ITGA9: variants seen among roughly 807,000 people sequenced by gnomAD.
ITGA9 encodes the protein integrin subunit alpha 9.
ITGA9 carries 56 observed loss-of-function variants against 127.8 expected under a neutral mutation model. That is an observed-to-expected ratio of 0.44 (90% CI 0.35 to 0.55). The LOEUF (loss-of-function observed/expected upper bound fraction) is 0.55. ITGA9 is among the 20% of genes least tolerant of loss of function. The probability of loss-of-function intolerance (pLI) is 0.00; values close to 1 mark genes in which losing one functional copy is unlikely to be tolerated. For missense variants in ITGA9, 1,196 were observed against 1,347.1 expected, an observed-to-expected ratio of 0.89 and a Z score of 1.76; for synonymous variants, 508 against 514.5, an observed-to-expected ratio of 0.99 and a Z score of 0.17.
At chr3:37,574,445 A>AT (rs562699673) in intron 15 of ITGA9, among the ~76,000 whole-genome samples, 83 of 152,202 alleles carry the variant, frequency 5.5e-4, no homozygotes, top group Non-Finnish European at 1.1e-3. Context: ...ACCTTTGCTG[A>AT]TTTTTTTCCT....
intron 15 of ITGA9, among the ~76,000 whole-genome samples, chr3:37,586,030 T>C (rs969844138): frequency 8.7e-5 from 13 of 150,140 alleles, no homozygotes; most frequent in African/African-American, 2.7e-4. Flanking sequence ...ATGAGAGTGA[T>C]GATGGTGATG....
Position 37,589,074 on chromosome 3 carries a change from A to G in ITGA9, c.1690-40113A>G, listed in dbSNP as rs116321133. Among the ~76,000 whole-genome samples the G allele has an allele frequency of 1.5e-3, 221 of 152,360 alleles. 1 individual carries two copies. Among genetic ancestry groups the G allele is most frequent in the African/African-American group, 4.3e-3 (180 of 41,590 alleles). On this transcript the variant is annotated intron_variant, in intron 15 of 27. Transcript: ENST00000264741. Reference sequence around the variant, plus strand: ...TGACCAGCTTGGTGATTTTTGTTCAACTGGAGCCTTGGCTTCCTCGTCTAG... The same window carrying G: ...TGACCAGCTTGGTGATTTTTGTTCAGCTGGAGCCTTGGCTTCCTCGTCTAG...
chr3:37,587,563 C>G (rs1699770753), intron 15 of ITGA9, among the ~76,000 whole-genome samples: 1 of 151,980 alleles, frequency 6.6e-6, no homozygotes, highest in African/African-American at 2.4e-5. Flanking sequence ...CATTTGTCCA[C>G]CCACCCATTA....
chr3:37,517,709 T>A, intron 10 of ITGA9, 100 bp downstream of exon 10: 2 of 860,792 alleles, frequency 2.3e-6, no homozygotes, highest in Non-Finnish European at 3.8e-6. Context: ...TCTAGTGGCA[T>A]GCTCCTGGGT....
At chr3:37,733,104 T>A (rs1023961545) in intron 19 of ITGA9, 2 of 386,534 alleles carry the variant, frequency 5.2e-6, no homozygotes, top group Admixed American at 3.7e-5. Context: ...CCTAAAATAA[T>A]TTTTTTTCTG....
chr3:37,542,156 G>A lies in ITGA9; in HGVS notation c.1529-269G>A, dbSNP rs77449690. 4.0e-3 allele frequency among the ~76,000 whole-genome samples: 615 copies of A among 152,220 alleles called. 2 individuals are homozygous for A. The highest frequency in any genetic ancestry group is 7.0e-3 in the Non-Finnish European group (478 of 68,012). On this transcript the variant is annotated intron_variant, in intron 14 of 27. Transcript: ENST00000264741. ...CTGGCTCAGTTGATACCTCATGATG[G>A]CATGAGGTTTAAATCAGGGAGAGCC... is the stretch of plus-strand genomic sequence containing the variant.
At chr3:37,470,140 G>GGTT (rs376037522) in intron 1 of ITGA9, among the ~76,000 whole-genome samples, 3 of 133,102 alleles carry the variant, frequency 2.3e-5, no homozygotes, top group Non-Finnish European at 3.1e-5. Context: ...GTTTCTTCTT[G>GGTT]TTTTTTTTTT....
intron 27 of ITGA9, among the ~76,000 whole-genome samples, chr3:37,811,584 C>G (rs1056260447): frequency 2.6e-5 from 4 of 152,190 alleles, no homozygotes; most frequent in Non-Finnish European, 5.9e-5. Flanking sequence ...TCCTCCCCTC[C>G]CCAGCTCTGT....
At chr3:37,562,817 G>C (rs1047835573) in intron 15 of ITGA9, among the ~76,000 whole-genome samples, 3 of 152,140 alleles carry the variant, frequency 2.0e-5, no homozygotes, top group Non-Finnish European at 2.9e-5. Context: ...GTGGCATGTG[G>C]CAGATGTATC....
intron 17 of ITGA9, among the ~76,000 whole-genome samples, chr3:37,664,290 C>T (rs1286683579): frequency 6.6e-6 from 1 of 152,112 alleles, no homozygotes; most frequent in Non-Finnish European, 1.5e-5. Flanking sequence ...AAGATAGCTG[C>T]CATCCCTCCC....
At chr3:37,529,379 C>G (rs1346370973) in intron 13 of ITGA9, among the ~76,000 whole-genome samples, 1 of 152,032 alleles carries the variant, frequency 6.6e-6, no homozygotes, top group Non-Finnish European at 1.5e-5. Flanking sequence ...AGGCCTGAGA[C>G]TTGTTGGAGG....
chr3:37,696,452 C>T (rs530448020), intron 18 of ITGA9, among the ~76,000 whole-genome samples: 30 of 152,312 alleles, frequency 2.0e-4, no homozygotes, highest in African/African-American at 7.0e-4. Context: ...GCCATTTCAA[C>T]GATGTTGTCA....
chr3:37,530,663 G>GA (rs1699140670), intron 13 of ITGA9, among the ~76,000 whole-genome samples: 1 of 144,636 alleles, frequency 6.9e-6, no homozygotes, highest in Non-Finnish European at 1.5e-5. Context: ...ACCTTGAAGT[G>GA]AAGTGACAGG....
chr3:37,603,608 A>G (rs1297808755), intron 15 of ITGA9, among the ~76,000 whole-genome samples: 1 of 152,224 alleles, frequency 6.6e-6, no homozygotes, highest in Non-Finnish European at 1.5e-5. Flanking sequence ...TAAGCTTTAA[A>G]TGGAGCATCT....
intron 18 of ITGA9, among the ~76,000 whole-genome samples, chr3:37,690,471 C>T (rs897638635): frequency 6.6e-6 from 1 of 152,150 alleles, no homozygotes; most frequent in Non-Finnish European, 1.5e-5. Flanking sequence ...TGCACTCATG[C>T]ATGCCTCATG....
chr3:37,668,673 T>A (rs1430569215), intron 17 of ITGA9, among the ~76,000 whole-genome samples: 1 of 152,190 alleles, frequency 6.6e-6, no homozygotes, highest in Non-Finnish European at 1.5e-5. Flanking sequence ...AGTTGTTTGT[T>A]GTCTGAACTC....
At chr3:37,537,538 G>A (rs1348378769) in intron 14 of ITGA9, among the ~76,000 whole-genome samples, 1 of 152,210 alleles carries the variant, frequency 6.6e-6, no homozygotes, top group Non-Finnish European at 1.5e-5. Flanking sequence ...CTGAATCCCT[G>A]TTGGGTCATT....
chr3:37,516,696 C>T (rs141980067), intron 9 of ITGA9, among the ~76,000 whole-genome samples: 1 of 152,256 alleles, frequency 6.6e-6, no homozygotes, highest in Non-Finnish European at 1.5e-5. Context: ...GCCAGACACT[C>T]GTGGGATGGC....
In ITGA9 at chr3:37,666,376, C is replaced by T. The variant is rs567553193; in HGVS notation, c.1916+12586C>T. On this transcript the variant is annotated intron_variant, in intron 17 of 27. Transcript: ENST00000264741. ...TACTTACTGCTGTAACAAATCACCC[C>T]AGAACTCCATGACTTAAACCAGCCA... 2.6e-5 allele frequency among the ~76,000 whole-genome samples: 4 copies of T among 152,332 alleles called. No individual in the cohort carries two copies. In the South Asian group the frequency reaches 8.3e-4, roughly 32 times the overall value.
Sources: allele counts gnomAD v4.1 joint callset (sites outside exome capture counted in the v4.1 genomes callset), GRCh38; gene constraint gnomAD v4.1.1; transcripts MANE v1.5; gene names NCBI Gene and HGNC (gene_info 2026-07-23, HGNC 2026-07-21).